Variants in GLI3 observed in about 807,000 individuals in gnomAD.
GLI3 encodes the protein transcription activator GLI3.
In GLI3, 20 loss-of-function variants were observed where a neutral mutation model predicts 100.8. The ratio of observed to expected loss-of-function variants is 0.20; its 90% CI spans 0.14 to 0.29. GLI3 has a LOEUF of 0.29. GLI3 is among the 10% of genes least tolerant of loss of function. The probability of loss-of-function intolerance (pLI) is 1.00; values close to 1 mark genes in which losing one functional copy is unlikely to be tolerated. For missense variants in GLI3, 2,040 were observed against 2,128.5 expected (o/e 0.96, Z 0.82); for synonymous variants, 938 against 860.5 (o/e 1.09, Z -1.58).
At chr7:42,260,610 A>G (rs1490814679) in intron 1 of GLI3, among the ~76,000 whole-genome samples, 2 of 152,196 alleles carry the variant, frequency 1.3e-5, no homozygotes, top group Non-Finnish European at 2.9e-5. Context: ...TTAACAAAAC[A>G]AGTGGTATGT....
chr7:42,034,067 C>T (rs568421705), intron 7 of GLI3, among the ~76,000 whole-genome samples: 12 of 152,272 alleles, frequency 7.9e-5, no homozygotes, highest in East Asian at 1.9e-4. Flanking sequence ...CCTCAATGAA[C>T]GTGAATGGCA....
intron 11 of GLI3, chr7:41,978,049 T>C (rs899489530): frequency 2.4e-6 from 1 of 413,266 alleles, no homozygotes; most frequent in South Asian, 2.3e-5. Flanking sequence ...TTCATTAATA[T>C]AGCTTTGTGT....
At chr7:42,026,760 C>T (rs1246951152) in intron 7 of GLI3, among the ~76,000 whole-genome samples, 1 of 152,190 alleles carries the variant, frequency 6.6e-6, no homozygotes, top group Non-Finnish European at 1.5e-5. Context: ...GCTCTTAGTT[C>T]CGTATGTTCC....
intron 2 of GLI3, among the ~76,000 whole-genome samples, chr7:42,211,524 A>G (rs1788273645): frequency 1.3e-5 from 2 of 152,222 alleles, no homozygotes; most frequent in African/African-American, 4.8e-5. Flanking sequence ...CTTCAATTGT[A>G]TATTAGCTTC....
chr7:42,037,497 C>T (rs1784036789), intron 7 of GLI3, among the ~76,000 whole-genome samples: 1 of 152,196 alleles, frequency 6.6e-6, no homozygotes, highest in African/African-American at 2.4e-5. Flanking sequence ...CAATTATTAT[C>T]ATCATTATAT....
chr7:42,165,179 CA>C (rs113990543), intron 2 of GLI3, among the ~76,000 whole-genome samples: 293 of 120,550 alleles, frequency 2.4e-3, no homozygotes, highest in Middle Eastern at 8.5e-3. Context: ...AAACTGTGTC[CA>C]AAAAAAAAAA....
intron 3 of GLI3, among the ~76,000 whole-genome samples, chr7:42,091,605 A>G (rs1206164917): frequency 6.6e-6 from 1 of 152,244 alleles, no homozygotes; most frequent in Non-Finnish European, 1.5e-5. Context: ...CGAACACAGC[A>G]GAAGTCCCTC....
intron 1 of GLI3, among the ~76,000 whole-genome samples, chr7:42,248,242 G>C (rs1788994925): frequency 6.6e-6 from 1 of 152,134 alleles, no homozygotes; most frequent in South Asian, 2.1e-4. Flanking sequence ...TTCTTGAGAA[G>C]CAAATCATCA....
intron 5 of GLI3, among the ~76,000 whole-genome samples, chr7:42,047,784 A>G (rs1036336147): frequency 6.6e-6 from 1 of 152,150 alleles, no homozygotes; most frequent in African/African-American, 2.4e-5. Context: ...CCCAGTACAT[A>G]CTTCTTCGGA....
chr7:42,083,682 T>C (rs1005486327), intron 3 of GLI3, among the ~76,000 whole-genome samples: 103 of 152,190 alleles, frequency 6.8e-4, no homozygotes, highest in African/African-American at 2.4e-3. Context: ...AAAAAAAATA[T>C]CAATTTTTTA....
chr7:42,059,634 T>A (rs923122721), intron 4 of GLI3, among the ~76,000 whole-genome samples: 1 of 152,216 alleles, frequency 6.6e-6, no homozygotes, highest in Non-Finnish European at 1.5e-5. Context: ...ATATGTCCAG[T>A]TGCAATTCTT....
chr7:42,209,099 C>T (rs780998587), intron 2 of GLI3, among the ~76,000 whole-genome samples: 23 of 152,126 alleles, frequency 1.5e-4, no homozygotes, highest in Non-Finnish European at 2.8e-4. Flanking sequence ...CTGCTGCCCA[C>T]ACTGGAGTGC....
rs999475667 is a variant in GLI3 at position 42,032,990 on chromosome 7, T to C, written c.1029-6578A>G. Among the ~76,000 whole-genome samples, 5 of 152,094 alleles carry C rather than the reference T, an allele frequency of 3.3e-5. No individual in the cohort carries two copies. In the South Asian group the frequency reaches 8.3e-4, roughly 25 times the overall value. On this transcript the variant is annotated intron_variant, in intron 7 of 14. Transcript: ENST00000395925. ...AGGGTTTCTGCACCAGCACACGATATATGTGGGGAAAGGGCACAGGAGGAT... is the reference window on the plus strand; with the variant it reads ...AGGGTTTCTGCACCAGCACACGATACATGTGGGGAAAGGGCACAGGAGGAT...
chr7:41,964,293 T>C lies in GLI3; in HGVS notation c.*37A>G, dbSNP rs1353621406. The C allele has an allele frequency of 5.0e-6, 8 of 1,597,008 alleles. No individual in the cohort carries two copies. Among genetic ancestry groups the C allele is most frequent in the Non-Finnish European group, 6.9e-6 (8 of 1,164,642 alleles). ...GTCAGTTTAATCTCTTCAACTCCTA[T>C]TGATTTCCGTTGGTTGCAGTCTTTT... On this transcript the variant is annotated 3_prime_UTR_variant, in exon 15 of 15. Coordinates refer to ENST00000395925, the MANE Select transcript of GLI3 (RefSeq NM_000168.6).
upstream of GLI3, among the ~76,000 whole-genome samples, chr7:42,242,583 C>T (rs906925224): frequency 6.6e-6 from 1 of 152,176 alleles, no homozygotes; most frequent in African/African-American, 2.4e-5. Context: ...TGCCCAACCC[C>T]ACTGACTTCT....
At chr7:42,237,454 T>C (rs1393307578), upstream of GLI3, among the ~76,000 whole-genome samples, 1 of 151,826 alleles carries the variant, frequency 6.6e-6, no homozygotes, top group African/African-American at 2.4e-5. Context: ...CCGTGCTGGG[T>C]GGAGAAGCCC....
At chr7:42,234,442 T>C (rs542938809) in intron 1 of GLI3, among the ~76,000 whole-genome samples, 2 of 152,214 alleles carry the variant, frequency 1.3e-5, no homozygotes, top group Non-Finnish European at 2.9e-5. Flanking sequence ...ACTTTTAGGC[T>C]TGCACATCGA....
chr7:42,074,542 G>A (rs1017287442), intron 4 of GLI3, among the ~76,000 whole-genome samples: 2 of 152,224 alleles, frequency 1.3e-5, no homozygotes, highest in African/African-American at 4.8e-5. Flanking sequence ...CCTTGAGGAT[G>A]AATATAAGCA....
intron 4 of GLI3, among the ~76,000 whole-genome samples, chr7:42,055,022 T>C (rs1328186049): frequency 1.5e-5 from 2 of 133,560 alleles, no homozygotes; most frequent in Middle Eastern, 3.7e-3. Context: ...CCTATATACA[T>C]ATACACATAT....
Sources: allele counts gnomAD v4.1 joint callset (sites outside exome capture counted in the v4.1 genomes callset), GRCh38; gene constraint gnomAD v4.1.1; transcripts MANE v1.5; gene names NCBI Gene and HGNC (gene_info 2026-07-23, HGNC 2026-07-21).